The following BRD3 variants were observed in gnomAD, a reference collection of about 807,000 sequenced individuals.
BRD3 encodes bromodomain containing 3.
In BRD3, 17 loss-of-function variants were observed where a neutral mutation model predicts 66.8. The ratio of observed to expected loss-of-function variants is 0.25; its 90% CI spans 0.17 to 0.38. The LOEUF (loss-of-function observed/expected upper bound fraction) is 0.38. Among genes scored for constraint, BRD3 ranks in the 10% least tolerant of loss-of-function variants. BRD3 has a pLI of 1.00. For synonymous variants in BRD3, 421 were observed against 393.2 expected (o/e 1.07, Z -0.84); for missense variants, 713 against 956.1 (o/e 0.75, Z 3.35).
At chr9:134,056,765 G>A (rs943249850) in intron 1 of BRD3, 4 of 152,326 alleles carry the variant, frequency 2.6e-5, no homozygotes, top group Non-Finnish European at 4.4e-5. Context: ...AGTTCCCAGA[G>A]TCCCAGTGGG....
At chr9:134,064,535 T>G (rs1830607790) in intron 1 of BRD3, among the ~76,000 whole-genome samples, 1 of 151,774 alleles carries the variant, frequency 6.6e-6, no homozygotes, top group Admixed American at 6.6e-5. Context: ...AGTGATACTC[T>G]GTCTCAAAAT....
At chr9:134,051,034 A>G (rs1830282474) in intron 4 of BRD3, among the ~76,000 whole-genome samples, 1 of 152,134 alleles carries the variant, frequency 6.6e-6, no homozygotes, top group Non-Finnish European at 1.5e-5. Context: ...CTCTCCACCC[A>G]GACAACACCT....
intron 1 of BRD3, among the ~76,000 whole-genome samples, chr9:134,064,373 T>A (rs3004622): frequency 0.69 from 104,628 of 150,864 alleles, 36,819 homozygotes; most frequent in African/African-American, 0.8. Context: ...ACTAAAAAAT[T>A]AAAAAAAATT....
intron 7 of BRD3, among the ~76,000 whole-genome samples, chr9:134,044,422 G>C (rs1043008406): frequency 1.3e-5 from 2 of 152,158 alleles, no homozygotes; most frequent in African/African-American, 4.8e-5. Context: ...GTCTATGCAA[G>C]GACTGAGAAC....
chr9:134,036,443 A>C, intron 9 of BRD3, 119 bp from the exon 10 acceptor site: 1 of 1,577,342 alleles, frequency 6.3e-7, no homozygotes, highest in South Asian at 1.2e-5. Flanking sequence ...CTTTCTTCCC[A>C]AAGTGGTGCC....
rs1376650817 is a variant in BRD3, at chr9:134,050,522, G to A, written c.566C>T (p.Thr189Ile). ...PATPFQSVPP[T>I]VSQTPVIAAT... The stretch of plus-strand genomic sequence containing the variant: ...AGCGATGACGGGCGTCTGGGAGACG[G>A]TGGGGGGCACGCTCTGAAAGGGGGT... Residue 189 changes from threonine (T) to isoleucine (I), a missense_variant, in exon 5 of 12, where the codon ACC becomes ATC. Thr to Ile is a moderately conservative substitution (Grantham distance 89). This residue lies in a region of BRD3 where 120 missense variants were observed against 122.8 expected (regional missense o/e 0.98). Transcript: ENST00000303407. 1.9e-6 allele frequency: 3 copies of A among 1,605,106 alleles called. No homozygotes were observed. The African/African-American group carries it at 4.0e-5, about 21-fold the overall frequency.
intron 1 of BRD3, among the ~76,000 whole-genome samples, chr9:134,061,225 C>T (rs1233460188): frequency 3.3e-5 from 5 of 152,242 alleles, no homozygotes; most frequent in African/African-American, 1.2e-4. Flanking sequence ...TCCAATGCCA[C>T]ACCCTGGGGC....
intron 7 of BRD3, among the ~76,000 whole-genome samples, chr9:134,042,575 T>G (rs1220143320): frequency 1.3e-5 from 2 of 152,094 alleles, no homozygotes; most frequent in Admixed American, 1.3e-4. Context: ...AGGTCGAGGC[T>G]GCAGTGAGCC....
chr9:134,052,533 T>C, intron 2 of BRD3, 90 bp from the exon 3 acceptor site: 1 of 1,433,988 alleles, frequency 7.0e-7, no homozygotes, highest in African/African-American at 1.4e-5. Context: ...CCTTCCCAAG[T>C]GGACTGAGGA....
intron 1 of BRD3, among the ~76,000 whole-genome samples, chr9:134,062,944 C>A (rs768325956): frequency 1.3e-5 from 2 of 152,140 alleles, no homozygotes; most frequent in African/African-American, 2.4e-5. Context: ...CCTGGTGCTC[C>A]GCACTTCCTA....
intron 9 of BRD3, 151 bp from the exon 10 acceptor site, chr9:134,036,475 T>TAGAA: frequency 6.3e-7 from 1 of 1,578,180 alleles, no homozygotes; most frequent in East Asian, 2.3e-5. Context: ...AATCCAAGGT[T>TAGAA]AGAAAAGTCG....
intron 8 of BRD3, among the ~76,000 whole-genome samples, chr9:134,040,876 G>A (rs112252719): frequency 6.6e-6 from 1 of 152,186 alleles, no homozygotes. Context: ...AGCTGGCATT[G>A]TGCCAAGCGC....
In BRD3 at chr9:134,036,243, A is replaced by G. The variant is rs55944890; in HGVS notation, c.1725T>C (p.Asp575=). 1.1e-4 allele frequency: 185 copies of G among 1,613,920 alleles called. No homozygotes were observed. Among genetic ancestry groups the G allele is most frequent in the Non-Finnish European group, 1.4e-4 (168 of 1,180,022 alleles). Residue 575 remains aspartate, a synonymous_variant, in exon 10 of 12, where the codon GAT becomes GAC. Transcript: ENST00000303407. ...TGTCCAGGCTAAGCTGGCGCTTTTCATCGTAGCTCATGGGCAGGCCCTCCT... is the reference window on the plus strand; with the variant it reads ...TGTCCAGGCTAAGCTGGCGCTTTTCGTCGTAGCTCATGGGCAGGCCCTCCT... ...EEEEGLPMSY[D]EKRQLSLDIN...
intron 1 of BRD3, among the ~76,000 whole-genome samples, chr9:134,063,196 T>G (rs1278063816): frequency 2.6e-5 from 4 of 152,218 alleles, no homozygotes; most frequent in African/African-American, 9.6e-5. Context: ...TGCCGAGGAC[T>G]GCAGGACGCC....
intron 8 of BRD3, 62 bp downstream of exon 8, chr9:134,041,698 G>C: frequency 6.4e-7 from 1 of 1,560,006 alleles, no homozygotes; most frequent in Admixed American, 1.8e-5. Flanking sequence ...ACGGACCTTG[G>C]GCTGCTGTGC....
chr9:134,053,690 A>T, intron 1 of BRD3, 100 bp from the exon 2 acceptor site: 1 of 1,100,912 alleles, frequency 9.1e-7, no homozygotes, highest in Non-Finnish European at 1.3e-6. Flanking sequence ...GTCGGGCCTC[A>T]GCAGGGCCTG....
intron 5 of BRD3, among the ~76,000 whole-genome samples, chr9:134,049,284 G>T (rs1830242133): frequency 6.6e-6 from 1 of 152,142 alleles, no homozygotes; most frequent in Admixed American, 6.5e-5. Context: ...GCGTTCCAGG[G>T]CCAGGGCTCA....
In BRD3 at chr9:134,050,471, G is replaced by A; in HGVS notation, c.617C>T (p.Ala206Val). The A allele has an allele frequency of 1.2e-6, 2 of 1,612,256 alleles. No individual in the cohort carries two copies. The highest frequency in any genetic ancestry group is 1.7e-6 in the Non-Finnish European group (2 of 1,179,450). ...IAATPVPTIT[A>V]NVTSVPVPPA... ...GGGGACTGGGACCGACGTGACGTTT[G>A]CAGTGATGGTTGGTACAGGGGTGGC... is the stretch of plus-strand genomic sequence containing the variant. The change falls in exon 5 of 12, where the codon GCA (alanine) becomes GTA (valine). Residue 206 changes from alanine (A) to valine (V), a missense_variant. Transcript: ENST00000303407.
In BRD3 at chr9:134,045,220, T is replaced by C; in HGVS notation, c.1215+73A>G. The C allele has an allele frequency of 6.3e-7, 1 of 1,582,810 alleles. No homozygotes were observed. Among genetic ancestry groups the C allele is most frequent in the Non-Finnish European group, 8.6e-7 (1 of 1,160,212 alleles). On this transcript the variant is annotated intron_variant, in intron 7 of 11. Transcript: ENST00000303407. This position sits in a 1 kb window ranked among gnomAD's most constrained non-coding sequence, Gnocchi z 4.8. ...CTCGGCTGGACATTCACCTGGGCGC[T>C]TACCCCACACTGAGGCCAGGATGCC...
Sources: allele counts gnomAD v4.1 joint callset (sites outside exome capture counted in the v4.1 genomes callset), GRCh38; gene constraint gnomAD v4.1.1; regional missense constraint gnomAD v4.1.1; non-coding constraint Gnocchi (gnomAD v3.1); transcripts MANE v1.5; gene names NCBI Gene and HGNC (gene_info 2026-07-23, HGNC 2026-07-21).